Variants in UGT2B15 observed in about 807,000 individuals in gnomAD.
UGT2B15 encodes the protein UDP glucuronosyltransferase family 2 member B15, also known as UDP-glucuronosyltransferase 2B15.
UGT2B15 carries 36 observed loss-of-function variants against 45.9 expected under a neutral mutation model. That is an observed-to-expected ratio of 0.78 (90% CI 0.60 to 1.04). UGT2B15 has a LOEUF of 1.04. Ranked by LOEUF, UGT2B15 falls within the 50% of genes least tolerant of loss-of-function variation. The pLI is 0.00. For synonymous variants in UGT2B15, 219 were observed against 216.4 expected (o/e 1.01, Z -0.11); for missense variants, 617 against 622.4 (o/e 0.99, Z 0.09).
rs548354119 is a variant in UGT2B15 at position 68,667,171 on chromosome 4, G to GT, written c.873+868dup. ...TTACTTTTTTTTTTTTTGTTTATTT[G>GT]TTTGTTTTTGAGACAGAGTCTCGCT... is the stretch of plus-strand genomic sequence containing the variant. On this transcript the variant is annotated intron_variant, in intron 2 of 5. Coordinates refer to ENST00000338206, the MANE Select transcript of UGT2B15 (RefSeq NM_001076.4). Among the ~76,000 whole-genome samples the GT allele has an allele frequency of 1.8e-3, 248 of 138,224 alleles. 1 individual carries two copies. The highest frequency in any genetic ancestry group is 3.7e-3 in the Middle Eastern group (1 of 272). The allele number at this position is 138,224 out of a possible 152,430, so 90.7% of individuals were successfully genotyped here.
intron 5 of UGT2B15, among the ~76,000 whole-genome samples, chr4:68,651,378 G>A (rs1339928386): frequency 6.6e-6 from 1 of 151,938 alleles, no homozygotes; most frequent in Non-Finnish European, 1.5e-5. Context: ...ATGGCTAGCC[G>A]GTTTCTCCAG....
At chr4:68,649,492 C>T (rs1252530443) in intron 5 of UGT2B15, among the ~76,000 whole-genome samples, 1 of 151,644 alleles carries the variant, frequency 6.6e-6, no homozygotes, top group Non-Finnish European at 1.5e-5. Flanking sequence ...GTTGGCCAGG[C>T]TGGTCTCTTA....
intron 3 of UGT2B15, among the ~76,000 whole-genome samples, chr4:68,659,090 T>C (rs1347090239): frequency 6.6e-6 from 1 of 152,040 alleles, no homozygotes; most frequent in Non-Finnish European, 1.5e-5. Flanking sequence ...TTATATCTTA[T>C]GGTCAAGATT....
intron 5 of UGT2B15, among the ~76,000 whole-genome samples, chr4:68,649,842 T>C (rs1326042105): frequency 6.6e-6 from 1 of 151,868 alleles, no homozygotes; most frequent in Non-Finnish European, 1.5e-5. Flanking sequence ...TTTTTTGCTT[T>C]TTTGTTTTTT....
At chr4:68,659,211 A>T (rs13143484) in intron 3 of UGT2B15, among the ~76,000 whole-genome samples, 52,687 of 151,718 alleles carry the variant, frequency 0.35, 9,401 homozygotes, top group East Asian at 0.52. Flanking sequence ...CAAAGAATGA[A>T]GATTTTTGCC....
chr4:68,665,134 A>T (rs1304866584), intron 2 of UGT2B15, among the ~76,000 whole-genome samples: 1 of 152,174 alleles, frequency 6.6e-6, no homozygotes, highest in Non-Finnish European at 1.5e-5. Flanking sequence ...AGTTTTATAA[A>T]AGTATGAAAA....
At chr4:68,666,038 T>C (rs1733109139) in intron 2 of UGT2B15, among the ~76,000 whole-genome samples, 1 of 148,108 alleles carries the variant, frequency 6.8e-6, no homozygotes. Flanking sequence ...ACTATTGTAC[T>C]ACTAGTCATT....
In UGT2B15 at chr4:68,651,249, T is replaced by G. The variant is rs1010526340; in HGVS notation, c.1313+2788A>C. ...CCCATGCCTATGTCCTGAATGATAT[T>G]GCCTAGGTTTTCTCCTAGAGTTTTT... On this transcript the variant is annotated intron_variant, in intron 5 of 5. Coordinates refer to ENST00000338206, the MANE Select transcript of UGT2B15 (RefSeq NM_001076.4). 2.0e-5 allele frequency among the ~76,000 whole-genome samples: 3 copies of G among 152,138 alleles called. No homozygotes were observed. The South Asian group carries it at 6.2e-4, about 32-fold the overall frequency.
intron 1 of UGT2B15, 66 bp from the exon 2 acceptor site, chr4:68,668,254 G>T (rs1733201216): frequency 1.3e-6 from 2 of 1,599,398 alleles, no homozygotes; most frequent in East Asian, 2.2e-5. Flanking sequence ...GAATATGCAG[G>T]TATTTTCCTG....
intron 1 of UGT2B15, among the ~76,000 whole-genome samples, chr4:68,668,523 C>T (rs1310757346): frequency 6.6e-6 from 1 of 151,676 alleles, no homozygotes; most frequent in Non-Finnish European, 1.5e-5. Flanking sequence ...ACCCAAATCT[C>T]CTCTCATCTT....
chr4:68,649,390 T>C (rs1732584421), intron 5 of UGT2B15, among the ~76,000 whole-genome samples: 1 of 147,536 alleles, frequency 6.8e-6, no homozygotes, highest in Admixed American at 6.9e-5. Context: ...GTGATTCTCA[T>C]GCCTCAATCT....
At chr4:68,662,359 T>A (rs188340851) in intron 3 of UGT2B15, among the ~76,000 whole-genome samples, 2 of 151,626 alleles carry the variant, frequency 1.3e-5, no homozygotes, top group Admixed American at 1.3e-4. Flanking sequence ...CTTAAGACAT[T>A]AGCGGCACCC....
At chr4:68,660,289 C>T (rs2109829194) in intron 3 of UGT2B15, among the ~76,000 whole-genome samples, 1 of 149,938 alleles carries the variant, frequency 6.7e-6, no homozygotes, top group Non-Finnish European at 1.5e-5. Flanking sequence ...GTACAGGGTT[C>T]CTGAACTGTG....
Position 68,647,366 on chromosome 4 carries a change from A to T in UGT2B15, c.1331T>A (p.Met444Lys). ...GTCATGATGAATTCTTGATAATTTC[A>T]TGACATTCTCTTTATAGCTGAAGGA... ...INDPVYKENV[M>K]KLSRIHHDQP... is the part of the protein sequence containing the mutation. The change falls in exon 6 of 6, where the codon ATG becomes AAG. Residue 444 changes from methionine to lysine, a missense_variant. Met to Lys is a moderately conservative substitution (Grantham distance 95). Coordinates refer to ENST00000338206, the MANE Select transcript of UGT2B15 (RefSeq NM_001076.4). The T allele has an allele frequency of 1.2e-6, 2 of 1,613,344 alleles. No individual in the cohort carries two copies. The highest frequency in any genetic ancestry group is 8.5e-7 in the Non-Finnish European group (1 of 1,179,490).
chr4:68,656,967 T>A (rs965550425), intron 3 of UGT2B15, among the ~76,000 whole-genome samples: 18 of 152,030 alleles, frequency 1.2e-4, no homozygotes, highest in African/African-American at 4.4e-4. Context: ...CTGGAAGTAG[T>A]ATTGACTGTT....
In UGT2B15 at chr4:68,646,933, T is replaced by TC. The variant is rs372348058; in HGVS notation, c.*170dup. 0.97 allele frequency: 945,373 copies of TC among 972,966 alleles called. 460,308 individuals carry two copies. Among genetic ancestry groups the TC allele is most frequent in the East Asian group, 1 (39,275 of 39,276 alleles). 60.3% of individuals were successfully genotyped at this position (972,966 alleles called of 1,614,324 possible). ...TTAAAAATCATTGACATAGAATAAT[T>TC]CAGCTAAAGTACGTATTAAATCCCT... On this transcript the variant is annotated 3_prime_UTR_variant, in exon 6 of 6. Coordinates refer to ENST00000338206, the MANE Select transcript of UGT2B15 (RefSeq NM_001076.4).
rs1257960263 is a variant in UGT2B15, at chr4:68,654,348, G to C, written c.1094-92C>G. 3.8e-6 allele frequency: 5 copies of C among 1,313,304 alleles called. No individual in the cohort carries two copies. The African/African-American group carries it at 5.9e-5, about 16-fold the overall frequency. 81.4% of individuals were successfully genotyped at this position (1,313,304 alleles called of 1,614,324 possible). A position where few individuals can be genotyped will look rare whatever the true frequency, so the allele number is the denominator to read the frequency against. ...AATATAAGGAACTTAAAGCAAAACTGTTCCCTAGGTAACATTATACCCACA... is the reference window on the plus strand; with the variant it reads ...AATATAAGGAACTTAAAGCAAAACTCTTCCCTAGGTAACATTATACCCACA... On this transcript the variant is annotated intron_variant, in intron 4 of 5. Coordinates refer to ENST00000338206, the MANE Select transcript of UGT2B15 (RefSeq NM_001076.4).
rs182311409 is a variant in UGT2B15, at chr4:68,660,761, T to C, written c.1005+2247A>G. On this transcript the variant is annotated intron_variant, in intron 3 of 5. Coordinates refer to ENST00000338206, the MANE Select transcript of UGT2B15 (RefSeq NM_001076.4). ...GTGTCTTCAGGTTTTTTTTCCTCCC[T>C]TTCCACCATTTTTCCTAGTTTGGAG... 5.0e-3 allele frequency among the ~76,000 whole-genome samples: 765 copies of C among 151,816 alleles called. 9 individuals carry two copies. Among genetic ancestry groups the C allele is most frequent in the Non-Finnish European group, 6.8e-3 (462 of 67,830 alleles).
intron 5 of UGT2B15, among the ~76,000 whole-genome samples, chr4:68,647,955 C>G (rs1178053411): frequency 6.6e-6 from 1 of 151,970 alleles, no homozygotes; most frequent in Admixed American, 6.6e-5. Flanking sequence ...CTCCTGTAGT[C>G]AAGTCATTCT....
Sources: allele counts gnomAD v4.1 joint callset (sites outside exome capture counted in the v4.1 genomes callset), GRCh38; gene constraint gnomAD v4.1.1; transcripts MANE v1.5; gene names NCBI Gene and HGNC (gene_info 2026-07-23, HGNC 2026-07-21).